CHRNG: variants seen among roughly 807,000 people sequenced by gnomAD.
The protein encoded by CHRNG is acetylcholine receptor subunit gamma.
Under a neutral mutation model 65.2 loss-of-function variants are expected in CHRNG, and 72 were observed. The observed-to-expected ratio is 1.10, with a 90% CI of 0.91 to 1.34. CHRNG has a LOEUF of 1.34. Ranked by LOEUF, CHRNG falls within the 40% of genes most tolerant of loss-of-function variation. The probability of loss-of-function intolerance (pLI) is 0.00; values close to 1 mark genes in which losing one functional copy is unlikely to be tolerated. For synonymous variants in CHRNG, 284 were observed against 290.2 expected (o/e 0.98, Z 0.22); for missense variants, 637 against 680.1 (o/e 0.94, Z 0.70).
chr2:232,540,196 G>T lies in CHRNG; in HGVS notation c.195+65G>T. 6.2e-7 allele frequency: 1 copy of T among 1,613,492 alleles called. No homozygotes were observed. The highest frequency in any genetic ancestry group is 8.5e-7 in the Non-Finnish European group (1 of 1,179,638). Reference sequence around the variant, plus strand: ...CTGGGACCTGCTGGGGATAGCATGGGGTGGCTCCAGCCACCAAGAGGTTGG... The same window carrying T: ...CTGGGACCTGCTGGGGATAGCATGGTGTGGCTCCAGCCACCAAGAGGTTGG... On this transcript the variant is annotated intron_variant, in intron 2 of 11. Transcript: ENST00000651502. The surrounding 1 kb of genome is among the most constrained non-coding windows in gnomAD (Gnocchi z 4.2).
At chr2:232,539,912 A>G (rs994233858) in intron 1 of CHRNG, 80 bp from the exon 2 acceptor site, 22 of 1,607,446 alleles carry the variant, frequency 1.4e-5, no homozygotes, top group Non-Finnish European at 1.8e-5. Context: ...CAGTTCCCTG[A>G]GTCCCCACTT....
intron 8 of CHRNG, 25 bp downstream of exon 8, chr2:232,543,414 C>T (rs201338104): frequency 2.0e-6 from 3 of 1,521,552 alleles, no homozygotes; most frequent in East Asian, 2.3e-5. Flanking sequence ...CATGTCCACC[C>T]GCCTATGCCA....
chr2:232,547,971 G>A lies in CHRNG; in HGVS notation c.*2255G>A. On this transcript the variant is annotated 3_prime_UTR_variant, in exon 12 of 12. Transcript: ENST00000651502. ...ACACAAGAAAGCAAGTCACATGAAT[G>A]TTTTTGGTTTCCCAATGCATATAAA... is the stretch of plus-strand genomic sequence containing the variant. The A allele has an allele frequency of 2.2e-6, 1 of 444,650 alleles. No individual in the cohort carries two copies. The allele number at this position is 444,650 out of a possible 1,614,324, so 27.5% of individuals were successfully genotyped here.
rs202064405 is a variant in CHRNG at position 232,541,095 on chromosome 2, C to CTATTATTAT, written c.351-263_351-255dup. ...CTTAACACATTAGTCGCTATTATGA[C>CTATTATTAT]TATTATTATTATTATTATTATTATG... On this transcript the variant is annotated intron_variant, in intron 4 of 11. Transcript: ENST00000651502. This position sits in a 1 kb window ranked among gnomAD's most constrained non-coding sequence, Gnocchi z 4.0. Among the ~76,000 whole-genome samples, 3 of 149,848 alleles carry CTATTATTAT rather than the reference C, an allele frequency of 2.0e-5. No individual in the cohort carries two copies. The highest frequency in any genetic ancestry group is 4.0e-4 in the East Asian group (2 of 5,050).
rs768843276 is a variant in CHRNG, at chr2:232,543,572, C to A, written c.921-13C>A. 18 of 1,560,202 alleles carry A rather than the reference C, an allele frequency of 1.2e-5. No individual in the cohort carries two copies. Among genetic ancestry groups the A allele is most frequent in the Non-Finnish European group, 1.6e-5 (18 of 1,131,094 alleles). On this transcript the variant is annotated splice_polypyrimidine_tract_variant and intron_variant, in intron 8 of 11. Coordinates refer to ENST00000651502, the MANE Select transcript of CHRNG (RefSeq NM_005199.5). The stretch of plus-strand genomic sequence containing the variant: ...GTATGGGCTGCCAGCTCCTGCCCAC[C>A]CCACCCTGACAGGTACCTGACCTTC...
At chr2:232,542,335 GC>G (rs1244021067) in intron 5 of CHRNG, 87 bp from the exon 6 acceptor site, 9 of 839,282 alleles carry the variant, frequency 1.1e-5, no homozygotes, top group Non-Finnish European at 1.8e-5. Flanking sequence ...AAGAAAAGCT[GC>G]CCACACTTGT....
At chr2:232,544,145 G>A (rs979277624) in intron 9 of CHRNG, among the ~76,000 whole-genome samples, 1 of 152,202 alleles carries the variant, frequency 6.6e-6, no homozygotes, top group African/African-American at 2.4e-5. Flanking sequence ...ATGAGGGCTG[G>A]GGGCAGGAAT....
At position 232,540,200 on chromosome 2, in the gene CHRNG, G is replaced by C; in HGVS notation, c.195+69G>C. Reference sequence around the variant, plus strand: ...GACCTGCTGGGGATAGCATGGGGTGGCTCCAGCCACCAAGAGGTTGGAGGG... The same window carrying C: ...GACCTGCTGGGGATAGCATGGGGTGCCTCCAGCCACCAAGAGGTTGGAGGG... On this transcript the variant is annotated intron_variant, in intron 2 of 11. Transcript: ENST00000651502. The surrounding 1 kb of genome is among the most constrained non-coding windows in gnomAD (Gnocchi z 4.2). The C allele has an allele frequency of 6.2e-7, 1 of 1,613,052 alleles. No individual in the cohort carries two copies. The highest frequency in any genetic ancestry group is 8.5e-7 in the Non-Finnish European group (1 of 1,179,344).
Position 232,542,936 on chromosome 2 carries a change from C to T in CHRNG, c.659C>T (p.Ala220Val), listed in dbSNP as rs752137444. 156 of 1,613,968 alleles carry T rather than the reference C, an allele frequency of 9.7e-5. No individual in the cohort carries two copies. Among genetic ancestry groups the T allele is most frequent in the Non-Finnish European group, 1.2e-4 (143 of 1,179,960 alleles). ...CCAGCCAAGATGCTCCTGGACCCAGCGGCGCCAGCCCAGGAAGCAGGCCAC... is the reference window on the plus strand; with the variant it reads ...CCAGCCAAGATGCTCCTGGACCCAGTGGCGCCAGCCCAGGAAGCAGGCCAC... ...HRPAKMLLDP[A>V]APAQEAGHQK... The change falls in exon 7 of 12, where the codon GCG becomes GTG. Residue 220 changes from alanine (A) to valine (V), a missense_variant. Ala to Val is a moderately conservative substitution (Grantham distance 64, BLOSUM62 0). Coordinates refer to ENST00000651502, the MANE Select transcript of CHRNG (RefSeq NM_005199.5).
chr2:232,541,935 T>A lies in CHRNG; in HGVS notation c.506+406T>A. ...GCAGGGAATCCAGCGGAAGCATGTA[T>A]GCAACCAAGCCACCCCTGGGGGTCT... is the stretch of plus-strand genomic sequence containing the variant. On this transcript the variant is annotated intron_variant, in intron 5 of 11. Coordinates refer to ENST00000651502, the MANE Select transcript of CHRNG (RefSeq NM_005199.5). This position sits in a 1 kb window ranked among gnomAD's most constrained non-coding sequence, Gnocchi z 4.0. 4 of 341,952 alleles carry A rather than the reference T, an allele frequency of 1.2e-5. No individual in the cohort carries two copies. The highest frequency in any genetic ancestry group is 1.2e-4 in the South Asian group (4 of 34,608). The allele number at this position is 341,952 out of a possible 1,614,324, so 21.2% of individuals were successfully genotyped here.
intron 7 of CHRNG, 93 bp downstream of exon 7, chr2:232,543,175 C>T (rs767367706): frequency 4.1e-5 from 63 of 1,521,080 alleles, no homozygotes; most frequent in Non-Finnish European, 5.3e-5. Context: ...AGTGGCATTA[C>T]GACCCAGGAC....
rs945171384 is a variant in CHRNG at position 232,544,294 on chromosome 2, G to A, written c.1036-73G>A. ...GCCTCCATGGTCCCTAGCAGCACAA[G>A]CCCTTCACGCCAACCTCTGGCTTCT... On this transcript the variant is annotated intron_variant, in intron 9 of 11. Coordinates refer to ENST00000651502, the MANE Select transcript of CHRNG (RefSeq NM_005199.5). 10 of 1,140,700 alleles carry A rather than the reference G, an allele frequency of 8.8e-6. No individual in the cohort carries two copies. The East Asian group carries it at 1.6e-4, about 19-fold the overall frequency. 70.7% of individuals were successfully genotyped at this position (1,140,700 alleles called of 1,614,324 possible).
intron 9 of CHRNG, 71 bp from the exon 10 acceptor site, chr2:232,544,296 C>A: frequency 1.7e-6 from 2 of 1,168,342 alleles, no homozygotes; most frequent in Admixed American, 1.7e-5. Context: ...CAGCACAAGC[C>A]CTTCACGCCA....
At chr2:232,543,486 C>A (rs925271674) in intron 8 of CHRNG, 97 bp downstream of exon 8, 2 of 1,182,716 alleles carry the variant, frequency 1.7e-6, no homozygotes, top group African/African-American at 1.7e-5. Context: ...ATCCACCCCC[C>A]CCATCCTCAA....
At chr2:232,543,210 T>C in intron 7 of CHRNG, 65 bp from the exon 8 acceptor site, 1 of 1,532,172 alleles carries the variant, frequency 6.5e-7, no homozygotes, top group Admixed American at 1.7e-5. Flanking sequence ...ACTTCTGGGG[T>C]AAGGGGTTCC....
In CHRNG at chr2:232,542,975, T is replaced by C. The variant is rs1371383635; in HGVS notation, c.698T>C (p.Phe233Ser). ...AQEAGHQKVV[F>S]YLLIQRKPLF... ...GAAGCAGGCCACCAGAAGGTGGTGT[T>C]CTACCTGCTCATCCAGCGCAAGCCC... Residue 233 changes from phenylalanine (F) to serine (S), a missense_variant, in exon 7 of 12, where the codon TTC (phenylalanine) becomes TCC (serine). Physicochemically the swap from Phe to Ser is radical, Grantham distance 155. Transcript: ENST00000651502. The C allele has an allele frequency of 6.2e-7, 1 of 1,613,990 alleles. No individual in the cohort carries two copies. Among genetic ancestry groups the C allele is most frequent in the African/African-American group, 1.3e-5 (1 of 74,924 alleles).
chr2:232,544,932 G>C (rs1478395865), intron 11 of CHRNG, 30 bp downstream of exon 11: 7 of 1,613,366 alleles, frequency 4.3e-6, no homozygotes, highest in Non-Finnish European at 5.9e-6. Flanking sequence ...GGTGGAGGTG[G>C]AGTGAGTACC....
chr2:232,541,774 G>C lies in CHRNG; in HGVS notation c.506+245G>C, dbSNP rs920937770. Reference sequence around the variant, plus strand: ...CTCAGTTTCCTCACCTGTGCTCCAAGGGGAGACATTCACGCCTGGGGTGCG... The same window carrying C: ...CTCAGTTTCCTCACCTGTGCTCCAACGGGAGACATTCACGCCTGGGGTGCG... On this transcript the variant is annotated intron_variant, in intron 5 of 11. Coordinates refer to ENST00000651502, the MANE Select transcript of CHRNG (RefSeq NM_005199.5). This position sits in a 1 kb window ranked among gnomAD's most constrained non-coding sequence, Gnocchi z 4.0. The C allele has an allele frequency of 1.7e-6, 1 of 587,136 alleles. No individual in the cohort carries two copies. Among genetic ancestry groups the C allele is most frequent in the Admixed American group, 3.0e-5 (1 of 33,658 alleles). The allele number at this position is 587,136 out of a possible 1,614,324, so 36.4% of individuals were successfully genotyped here. A position where few individuals can be genotyped will look rare whatever the true frequency, so the allele number is the denominator to read the frequency against.
chr2:232,542,979 C>T lies in CHRNG; in HGVS notation c.702C>T (p.Tyr234=). ...CAGGCCACCAGAAGGTGGTGTTCTACCTGCTCATCCAGCGCAAGCCCCTCT... is the reference window on the plus strand; with the variant it reads ...CAGGCCACCAGAAGGTGGTGTTCTATCTGCTCATCCAGCGCAAGCCCCTCT... The part of the protein sequence containing the change: ...QEAGHQKVVF[Y]LLIQRKPLFY... Residue 234 remains tyrosine, a synonymous_variant, in exon 7 of 12, where the codon TAC becomes TAT. Coordinates refer to ENST00000651502, the MANE Select transcript of CHRNG (RefSeq NM_005199.5). The T allele has an allele frequency of 6.2e-7, 1 of 1,614,194 alleles. No individual in the cohort carries two copies. Among genetic ancestry groups the T allele is most frequent in the Non-Finnish European group, 8.5e-7 (1 of 1,179,978 alleles).
Sources: allele counts gnomAD v4.1 joint callset (sites outside exome capture counted in the v4.1 genomes callset), GRCh38; gene constraint gnomAD v4.1.1; non-coding constraint Gnocchi (gnomAD v3.1); transcripts MANE v1.5; gene names NCBI Gene and HGNC (gene_info 2026-07-23, HGNC 2026-07-21).